Variants in MGAT5 observed in about 807,000 individuals in gnomAD.
MGAT5 encodes the protein alpha-1,6-mannosylglycoprotein 6-beta-N-acetylglucosaminyltransferase A.
Under a neutral mutation model 94.3 loss-of-function variants are expected in MGAT5, and 30 were observed. The observed-to-expected ratio is 0.32, with a 90% CI of 0.24 to 0.43. MGAT5 has a LOEUF of 0.43. Among genes scored for constraint, MGAT5 ranks in the 20% least tolerant of loss-of-function variants. The pLI, the probability that MGAT5 is intolerant of heterozygous loss-of-function variation, is 1.00. For synonymous variants in MGAT5, 310 were observed against 322.9 expected, an observed-to-expected ratio of 0.96 and a Z score of 0.43; for missense variants, 691 against 905.5, an observed-to-expected ratio of 0.76 and a Z score of 3.04.
chr2:134,364,713 G>T (rs72980018), intron 10 of MGAT5, among the ~76,000 whole-genome samples: 9,732 of 152,158 alleles, frequency 0.064, 1,056 homozygotes, highest in African/African-American at 0.22. Flanking sequence ...AAAATCCTGG[G>T]TGTTATTTCA....
intron 14 of MGAT5, among the ~76,000 whole-genome samples, chr2:134,438,405 T>C (rs1012445834): frequency 1.3e-5 from 2 of 152,132 alleles, no homozygotes; most frequent in African/African-American, 4.8e-5. Flanking sequence ...CAAAAAACAC[T>C]TTACCTTTTC....
intron 1 of MGAT5, among the ~76,000 whole-genome samples, chr2:134,164,761 T>C (rs1347203881): frequency 6.6e-6 from 1 of 150,592 alleles, no homozygotes; most frequent in African/African-American, 2.4e-5. Flanking sequence ...GTCCGGAAGG[T>C]TGAGGCTGTT....
intron 1 of MGAT5, among the ~76,000 whole-genome samples, chr2:134,237,119 G>GTA (rs151015696): frequency 0.26 from 33,039 of 127,040 alleles, 4,237 homozygotes; most frequent in Non-Finnish European, 0.32. Context: ...TGTAGAAGGA[G>GTA]TATATGTGTG....
At chr2:134,296,390 T>C (rs978059155) in intron 2 of MGAT5, among the ~76,000 whole-genome samples, 2 of 152,194 alleles carry the variant, frequency 1.3e-5, no homozygotes, top group Admixed American at 1.3e-4. Flanking sequence ...TTAACAGTTT[T>C]TGTGAATTTC....
intron 1 of MGAT5, among the ~76,000 whole-genome samples, chr2:134,243,192 A>G (rs1190009513): frequency 6.6e-6 from 1 of 152,064 alleles, no homozygotes; most frequent in African/African-American, 2.4e-5. Flanking sequence ...TAAAATAAAA[A>G]TACCTCTGCT....
At chr2:134,356,222 G>A (rs757608079) in intron 9 of MGAT5, among the ~76,000 whole-genome samples, 2 of 152,138 alleles carry the variant, frequency 1.3e-5, no homozygotes, top group Non-Finnish European at 2.9e-5. Context: ...AGAAAAGACA[G>A]GAAGCTATAA....
At chr2:134,274,594 A>G (rs772219350) in intron 2 of MGAT5, among the ~76,000 whole-genome samples, 4 of 152,210 alleles carry the variant, frequency 2.6e-5, no homozygotes, top group Non-Finnish European at 5.9e-5. Flanking sequence ...ATGTGTACAC[A>G]TTTATTTATA....
rs201296930 is a variant in MGAT5, at chr2:134,362,332, G to A, written c.1304G>A (p.Ser435Asn). The change falls in exon 10 of 16, where the codon AGT becomes AAT. Residue 435 changes from serine to asparagine, a missense_variant. By Grantham distance (46) the Ser-to-Asn change is conservative (BLOSUM62 1). Around this residue, in one of 4 missense-constraint regions of MGAT5, gnomAD observed 121 missense variants for 206.1 expected, o/e 0.59. Transcript: ENST00000281923. ...GFVVEQHLNSSDIHHINEIKR... is the reference protein window; with the variant it reads ...GFVVEQHLNSNDIHHINEIKR... ...GTGGTTGAGCAGCACCTGAACTCCA[G>A]TGATATCCACCACATTAATGAAATC... 6.2e-7 allele frequency: 1 copy of A among 1,613,976 alleles called. No homozygotes were observed. The highest frequency in any genetic ancestry group is 2.2e-5 in the East Asian group (1 of 44,890).
At chr2:134,177,364 T>TA (rs1553488596) in intron 1 of MGAT5, among the ~76,000 whole-genome samples, 1 of 152,038 alleles carries the variant, frequency 6.6e-6, no homozygotes, top group East Asian at 1.9e-4. Flanking sequence ...CCCACAGGCC[T>TA]GGGGGGATCT....
chr2:134,182,031 G>T (rs551677487), intron 1 of MGAT5, among the ~76,000 whole-genome samples: 3 of 152,134 alleles, frequency 2.0e-5, no homozygotes, highest in Non-Finnish European at 4.4e-5. Flanking sequence ...AATGTAAAAC[G>T]GTGAAGAAGT....
At chr2:134,423,355 A>G (rs1204565951) in intron 13 of MGAT5, among the ~76,000 whole-genome samples, 2 of 152,204 alleles carry the variant, frequency 1.3e-5, no homozygotes, top group Non-Finnish European at 1.5e-5. Flanking sequence ...GAATTTTGTA[A>G]AAGTAACTAC....
At chr2:134,357,236 G>T (rs1253964702) in intron 9 of MGAT5, among the ~76,000 whole-genome samples, 1 of 152,124 alleles carries the variant, frequency 6.6e-6, no homozygotes, top group Non-Finnish European at 1.5e-5. Context: ...ACTTCTTTAG[G>T]CCAGTGGCCT....
intron 1 of MGAT5, among the ~76,000 whole-genome samples, chr2:134,267,093 G>C (rs1683764763): frequency 6.6e-6 from 1 of 152,166 alleles, no homozygotes; most frequent in Non-Finnish European, 1.5e-5. Flanking sequence ...AGAGTGATTG[G>C]TATATGTTGT....
chr2:134,413,085 G>A (rs777010895), intron 12 of MGAT5, 70 bp downstream of exon 12: 4 of 1,550,442 alleles, frequency 2.6e-6, no homozygotes, highest in African/African-American at 2.7e-5. Flanking sequence ...TGCTCATGTA[G>A]GTATTAACTT....
In MGAT5 at chr2:134,317,521, C is replaced by A; in HGVS notation, c.407-8C>A. On this transcript the variant is annotated splice_region_variant and splice_polypyrimidine_tract_variant and intron_variant, in intron 2 of 15. Coordinates refer to ENST00000281923, the MANE Select transcript of MGAT5 (RefSeq NM_002410.5). ...ATTGTATCCTTTGTTGTTTTTCATT[C>A]TTCACAGATATCATTAACGGAGCTC... The A allele has an allele frequency of 6.5e-7, 1 of 1,546,928 alleles. No individual in the cohort carries two copies. The highest frequency in any genetic ancestry group is 8.7e-7 in the Non-Finnish European group (1 of 1,146,732).
chr2:134,255,468 CAT>C (rs1682884204), intron 1 of MGAT5, among the ~76,000 whole-genome samples: 1 of 147,554 alleles, frequency 6.8e-6, no homozygotes, highest in African/African-American at 2.5e-5. Context: ...TATATATATA[CAT>C]ATATATACAT....
At chr2:134,222,777 G>A (rs1421435842) in intron 1 of MGAT5, among the ~76,000 whole-genome samples, 1 of 152,272 alleles carries the variant, frequency 6.6e-6, no homozygotes, top group South Asian at 2.1e-4. Flanking sequence ...CCAATTAATT[G>A]TTCTAGGCCA....
At chr2:134,294,482 C>T (rs1371315979) in intron 2 of MGAT5, among the ~76,000 whole-genome samples, 1 of 152,106 alleles carries the variant, frequency 6.6e-6, no homozygotes, top group Non-Finnish European at 1.5e-5. Flanking sequence ...GTATATACCA[C>T]TGCAGGTCAA....
intron 1 of MGAT5, among the ~76,000 whole-genome samples, chr2:134,147,711 G>A (rs1310664676): frequency 2.6e-5 from 4 of 152,100 alleles, no homozygotes; most frequent in Non-Finnish European, 5.9e-5. Flanking sequence ...TCTTACACCC[G>A]GTAATAGAAT....
Sources: allele counts gnomAD v4.1 joint callset (sites outside exome capture counted in the v4.1 genomes callset), GRCh38; gene constraint gnomAD v4.1.1; regional missense constraint gnomAD v4.1.1; transcripts MANE v1.5; gene names NCBI Gene and HGNC (gene_info 2026-07-23, HGNC 2026-07-21).